The following NEK5 variants were observed in gnomAD, a reference collection of about 807,000 sequenced individuals.
NEK5 encodes serine/threonine-protein kinase Nek5.
A neutral mutation model predicts 109.2 loss-of-function variants in NEK5; 88 were observed. The ratio of observed to expected loss-of-function variants is 0.81; its 90% CI spans 0.68 to 0.96. NEK5 has a LOEUF of 0.96. Ranked by LOEUF, NEK5 falls within the 40% of genes least tolerant of loss-of-function variation. NEK5 has a pLI of 0.00. For missense variants in NEK5, 834 were observed against 920.7 expected, an observed-to-expected ratio of 0.91 and a Z score of 1.22; for synonymous variants, 283 against 299.9, an observed-to-expected ratio of 0.94 and a Z score of 0.58.
At position 52,086,332 on chromosome 13, in the gene NEK5, TG is replaced by T. The variant is rs773606965; in HGVS notation, c.1423del (p.Gln475AsnfsTer7). 1 of 1,613,122 alleles carries T rather than the reference TG, an allele frequency of 6.2e-7. No homozygotes were observed. The highest frequency in any genetic ancestry group is 1.1e-5 in the South Asian group (1 of 91,064). ...EYWKQLEEIR[Q>X]QYHNDMKEIR... is the part of the protein sequence containing the mutation. Reference sequence around the variant, plus strand: ...TTCTTTCATGTCATTGTGGTACTGTTGGCGTATTTCCTCTAACTGCTTCCAA... The same window carrying T: ...TTCTTTCATGTCATTGTGGTACTGTTGCGTATTTCCTCTAACTGCTTCCAA... On this transcript the variant is annotated frameshift_variant, in exon 16 of 24. Transcript: ENST00000684899. LOFTEE classifies it high-confidence loss of function.
intron 3 of NEK5, among the ~76,000 whole-genome samples, chr13:52,127,007 G>C (rs1247885391): frequency 6.6e-6 from 1 of 152,150 alleles, no homozygotes; most frequent in African/African-American, 2.4e-5. Flanking sequence ...GAGGGCCATA[G>C]GAGCCACAGG....
chr13:52,122,895 AT>A (rs1955997899), intron 3 of NEK5, among the ~76,000 whole-genome samples: 1 of 152,206 alleles, frequency 6.6e-6, no homozygotes, highest in African/African-American at 2.4e-5. Flanking sequence ...GTTATATGCT[AT>A]TTTTATTTTC....
rs1315211818 is a variant in NEK5, at chr13:52,080,266, G to A, written c.1572+2994C>T. Among the ~76,000 whole-genome samples the A allele has an allele frequency of 4.6e-5, 6 of 129,566 alleles. No individual in the cohort carries two copies. In the South Asian group the frequency reaches 1.3e-3, roughly 28 times the overall value. The allele number at this position is 129,566 out of a possible 152,430, so 85.0% of individuals were successfully genotyped here. A position where few individuals can be genotyped will look rare whatever the true frequency, so the allele number is the denominator to read the frequency against. ...CAGCCGCCCCATCCGGGAGGGAGGT[G>A]GGGGGGGGTCAGCCCCCCGCCCGGC... is the stretch of plus-strand genomic sequence containing the variant. On this transcript the variant is annotated intron_variant, in intron 17 of 23. Coordinates refer to ENST00000684899, the MANE Select transcript of NEK5 (RefSeq NM_001365552.1).
chr13:52,064,031 C>T lies in NEK5; in HGVS notation c.1975+1453G>A, dbSNP rs1291455790. 2.9e-5 allele frequency among the ~76,000 whole-genome samples: 4 copies of T among 139,020 alleles called. No homozygotes were observed. The East Asian group carries it at 6.7e-4, about 23-fold the overall frequency. The allele number at this position is 139,020 out of a possible 152,430, so 91.2% of individuals were successfully genotyped here. The stretch of plus-strand genomic sequence containing the variant: ...GGTCAGCCCCCCGCCCGGCCAGCTG[C>T]CCCATCCGGGAGGGAGGTGGGGGGG... On this transcript the variant is annotated intron_variant, in intron 21 of 23. Coordinates refer to ENST00000684899, the MANE Select transcript of NEK5 (RefSeq NM_001365552.1).
chr13:52,103,476 A>G (rs574905606), intron 9 of NEK5, among the ~76,000 whole-genome samples: 1 of 152,304 alleles, frequency 6.6e-6, no homozygotes, highest in South Asian at 2.1e-4. Flanking sequence ...TGGCTGTGCA[A>G]CCCTTGACAA....
intron 3 of NEK5, 120 bp downstream of exon 3, chr13:52,127,246 A>G: frequency 3.2e-6 from 2 of 631,660 alleles, no homozygotes; most frequent in Non-Finnish European, 2.8e-6. Context: ...TTGAATTAAC[A>G]AAAATCAATT....
chr13:52,082,711 C>T (rs1955039390), intron 17 of NEK5, among the ~76,000 whole-genome samples: 2 of 152,178 alleles, frequency 1.3e-5, no homozygotes, highest in Admixed American at 1.3e-4. Flanking sequence ...CTGACTTAGA[C>T]CCTCCAGAGA....
chr13:52,068,621 C>T (rs1409153754), intron 20 of NEK5, among the ~76,000 whole-genome samples: 2 of 152,064 alleles, frequency 1.3e-5, no homozygotes, highest in Non-Finnish European at 2.9e-5. Context: ...AACAAACATG[C>T]CATTTTCAGT....
chr13:52,055,143 G>A (rs1156713881), intron 22 of NEK5, among the ~76,000 whole-genome samples: 18 of 152,150 alleles, frequency 1.2e-4, no homozygotes, highest in Admixed American at 5.2e-4. Flanking sequence ...CGAGAACTAC[G>A]TGAAGAATGC....
At chr13:52,096,040 C>T (rs1416032153) in intron 12 of NEK5, among the ~76,000 whole-genome samples, 2 of 152,292 alleles carry the variant, frequency 1.3e-5, no homozygotes, top group African/African-American at 4.8e-5. Context: ...TACCCCTTCA[C>T]TCTTTTCCTC....
chr13:52,056,231 C>T (rs1954553849), intron 22 of NEK5, among the ~76,000 whole-genome samples: 1 of 151,218 alleles, frequency 6.6e-6, no homozygotes, highest in Admixed American at 6.6e-5. Context: ...GGGATCAATT[C>T]AACAAGAAGA....
At chr13:52,125,950 C>G (rs1956057254) in intron 3 of NEK5, among the ~76,000 whole-genome samples, 1 of 152,206 alleles carries the variant, frequency 6.6e-6, no homozygotes, top group African/African-American at 2.4e-5. Context: ...CAGTCATCTA[C>G]TCTTGAGCTT....
chr13:52,081,866 G>A (rs930766101), intron 17 of NEK5, among the ~76,000 whole-genome samples: 1 of 152,174 alleles, frequency 6.6e-6, no homozygotes, highest in African/African-American at 2.4e-5. Context: ...TGTAACATCT[G>A]AGCCGTGTTT....
At chr13:52,110,669 C>T in intron 5 of NEK5, 92 bp from the exon 6 acceptor site, 44 of 593,628 alleles carry the variant, frequency 7.4e-5, no homozygotes, top group Admixed American at 5.3e-4. Context: ...AAATTATACA[C>T]ACACACACAC....
intron 17 of NEK5, among the ~76,000 whole-genome samples, chr13:52,077,062 A>G (rs1254391698): frequency 1.3e-5 from 2 of 152,222 alleles, no homozygotes; most frequent in South Asian, 2.1e-4. Context: ...CTGGCAATCA[A>G]TTTAAGCCCT....
rs150145876 is a variant in NEK5 at position 52,071,168 on chromosome 13, C to T, written c.1849+776G>A. Among the ~76,000 whole-genome samples, 491 of 152,142 alleles carry T rather than the reference C, an allele frequency of 3.2e-3. 3 individuals are homozygous for T. The highest frequency in any genetic ancestry group is 0.011 in the African/African-American group (442 of 41,520). On this transcript the variant is annotated intron_variant, in intron 20 of 23. Coordinates refer to ENST00000684899, the MANE Select transcript of NEK5 (RefSeq NM_001365552.1). ...CTATGCTAAGGGTGCACCCTGGTGA[C>T]AGCACTGACTGTGAAGTTCTCATAA...
intron 13 of NEK5, among the ~76,000 whole-genome samples, chr13:52,090,898 C>T (rs374038330): frequency 1.3e-5 from 2 of 152,110 alleles, no homozygotes; most frequent in South Asian, 2.1e-4. Flanking sequence ...TCGTGGCAGG[C>T]GCCTGTAGTC....
chr13:52,098,333 TAAAC>T (rs980859594), intron 12 of NEK5, among the ~76,000 whole-genome samples: 151 of 152,092 alleles, frequency 9.9e-4, no homozygotes, highest in African/African-American at 3.0e-3. Flanking sequence ...GGCAATAACT[TAAAC>T]AATCGGTTTT....
At chr13:52,051,755 A>G (rs1156635142) in intron 22 of NEK5, among the ~76,000 whole-genome samples, 2 of 152,228 alleles carry the variant, frequency 1.3e-5, no homozygotes, top group African/African-American at 4.8e-5. Flanking sequence ...TTATTCCTAA[A>G]TAAGATAGCT....
Sources: gnomAD v4.1 joint callset for allele counts (sites outside exome capture counted in the v4.1 genomes callset) on GRCh38, gnomAD v4.1.1 for gene constraint, MANE v1.5 for transcripts, NCBI Gene and HGNC (gene_info 2026-07-23, HGNC 2026-07-21) for gene names.